The following NRG1 variants were observed in gnomAD, a reference collection of about 807,000 sequenced individuals.
NRG1 encodes the protein neuregulin 1.
Under a neutral mutation model 63.8 loss-of-function variants are expected in NRG1, and 18 were observed. That is an observed-to-expected ratio of 0.28 (90% CI 0.19 to 0.42). NRG1 has a LOEUF of 0.42. Ranked by LOEUF, NRG1 falls within the 10% of genes least tolerant of loss-of-function variation. NRG1 has a pLI of 1.00. For synonymous variants in NRG1, 302 were observed against 301.3 expected (o/e 1.00, Z -0.02); for missense variants, 762 against 814.7 (o/e 0.94, Z 0.79).
At chr8:32,614,923 T>C (rs980501605) in intron 4 of NRG1, among the ~76,000 whole-genome samples, 2 of 152,174 alleles carry the variant, frequency 1.3e-5, no homozygotes, top group Non-Finnish European at 2.9e-5. Context: ...CCTCAGAGTG[T>C]ATTCCTGGGT....
chr8:32,025,749 C>T (rs950500371), intron 1 of NRG1, among the ~76,000 whole-genome samples: 3 of 151,828 alleles, frequency 2.0e-5, no homozygotes, highest in African/African-American at 7.2e-5. Context: ...AGATCGAGAC[C>T]ATCCTGGCTA....
At chr8:32,235,152 G>C (rs1847400610) in intron 1 of NRG1, among the ~76,000 whole-genome samples, 1 of 150,016 alleles carries the variant, frequency 6.7e-6, no homozygotes, top group South Asian at 2.1e-4. Context: ...CCAGTGCTTT[G>C]GGAGGCCAAG....
At chr8:32,193,673 C>T (rs758318529) in intron 1 of NRG1, among the ~76,000 whole-genome samples, 3 of 151,930 alleles carry the variant, frequency 2.0e-5, no homozygotes, top group Non-Finnish European at 4.4e-5. Flanking sequence ...CAAAAAGATA[C>T]GTTAGAATCC....
At chr8:31,779,837 G>C (rs1191076560) in intron 1 of NRG1, among the ~76,000 whole-genome samples, 2 of 152,180 alleles carry the variant, frequency 1.3e-5, no homozygotes, top group Admixed American at 6.5e-5. Flanking sequence ...TTTGTGAATG[G>C]ATCTTTCAAC....
At position 32,453,319 on chromosome 8, in the gene NRG1, C is replaced by T. The variant is rs189630437; in HGVS notation, c.38-142509C>T. On this transcript the variant is annotated intron_variant, in intron 1 of 10. Coordinates refer to the NRG1 transcript ENST00000519301. Reference sequence around the variant, plus strand: ...AAATTAAGGTCTTATTGACAATCTACGTATCAGAGCCTCGTACACAGGAGC... The same window carrying T: ...AAATTAAGGTCTTATTGACAATCTATGTATCAGAGCCTCGTACACAGGAGC... Among the ~76,000 whole-genome samples the T allele has an allele frequency of 1.1e-4, 17 of 152,272 alleles. No homozygotes were observed. In the East Asian group the frequency reaches 3.1e-3, roughly 28 times the overall value.
intron 1 of NRG1, among the ~76,000 whole-genome samples, chr8:32,528,523 C>G (rs866361506): frequency 6.6e-6 from 1 of 152,128 alleles, no homozygotes; most frequent in Admixed American, 6.5e-5. Flanking sequence ...TATTTTTAAG[C>G]CTGAATTAGT....
At chr8:31,981,310 C>T (rs2129630845) in intron 1 of NRG1, among the ~76,000 whole-genome samples, 1 of 152,058 alleles carries the variant, frequency 6.6e-6, no homozygotes, top group South Asian at 2.1e-4. Flanking sequence ...TAGGAACTGC[C>T]TCTTGTTTTT....
At chr8:32,654,636 A>G (rs746879059) in intron 5 of NRG1, among the ~76,000 whole-genome samples, 13 of 151,104 alleles carry the variant, frequency 8.6e-5, no homozygotes, top group Non-Finnish European at 1.9e-4. Flanking sequence ...CTCAAAAAAA[A>G]AATAATTTTA....
intron 1 of NRG1, among the ~76,000 whole-genome samples, chr8:31,960,254 G>A (rs1805226628): frequency 6.6e-6 from 1 of 152,136 alleles, no homozygotes; most frequent in Admixed American, 6.5e-5. Flanking sequence ...TAATGGGGTG[G>A]CAGTGTTGTT....
At chr8:32,139,063 C>T (rs1835913286) in intron 1 of NRG1, among the ~76,000 whole-genome samples, 1 of 152,144 alleles carries the variant, frequency 6.6e-6, no homozygotes, top group Non-Finnish European at 1.5e-5. Flanking sequence ...ATATTTTGAC[C>T]TCAAGCAACC....
chr8:32,091,313 T>A (rs1829119443), intron 1 of NRG1, among the ~76,000 whole-genome samples: 1 of 151,118 alleles, frequency 6.6e-6, no homozygotes, highest in East Asian at 2.0e-4. Context: ...GATGAGGTGA[T>A]TTATGTAATT....
At chr8:32,592,478 A>G (rs1842700588) in intron 1 of NRG1, among the ~76,000 whole-genome samples, 1 of 152,122 alleles carries the variant, frequency 6.6e-6, no homozygotes, top group Non-Finnish European at 1.5e-5. Flanking sequence ...CATTGATTTT[A>G]AAGCCTACTT....
intron 1 of NRG1, among the ~76,000 whole-genome samples, chr8:31,744,589 C>T (rs1401755517): frequency 6.6e-6 from 1 of 151,900 alleles, no homozygotes; most frequent in African/African-American, 2.4e-5. Flanking sequence ...CAGAGGCTGG[C>T]TTATCATGAA....
At chr8:31,898,549 C>T (rs1265759078) in intron 1 of NRG1, among the ~76,000 whole-genome samples, 1 of 151,998 alleles carries the variant, frequency 6.6e-6, no homozygotes, top group African/African-American at 2.4e-5. Context: ...ACTAAAAATA[C>T]AAAAATTAGC....
intron 1 of NRG1, among the ~76,000 whole-genome samples, chr8:32,028,784 C>T (rs1484839876): frequency 6.6e-6 from 1 of 152,082 alleles, no homozygotes; most frequent in Non-Finnish European, 1.5e-5. Context: ...CTAGATTCTT[C>T]CTGCAGTGGA....
intron 1 of NRG1, among the ~76,000 whole-genome samples, chr8:32,134,263 A>T (rs555825474): frequency 6.6e-6 from 1 of 152,276 alleles, no homozygotes; most frequent in East Asian, 1.9e-4. Context: ...GTAATGTTTA[A>T]TTTTAAGTAT....
At chr8:31,790,530 T>C (rs750146762) in intron 1 of NRG1, among the ~76,000 whole-genome samples, 1 of 152,204 alleles carries the variant, frequency 6.6e-6, no homozygotes, top group Non-Finnish European at 1.5e-5. Context: ...TCCTCATCTG[T>C]GAAGGAGTTA....
At chr8:32,729,774 A>G (rs1433345443) in intron 6 of NRG1, among the ~76,000 whole-genome samples, 2 of 152,144 alleles carry the variant, frequency 1.3e-5, no homozygotes, top group Non-Finnish European at 2.9e-5. Flanking sequence ...AAAAAAAGCA[A>G]CGATCGAAAA....
intron 1 of NRG1, among the ~76,000 whole-genome samples, chr8:32,486,983 T>C (rs1825979917): frequency 6.6e-6 from 1 of 152,100 alleles, no homozygotes; most frequent in Non-Finnish European, 1.5e-5. Context: ...TAGATCTAGT[T>C]AATAGCAGGT....
Sources: gnomAD v4.1 joint callset for allele counts (sites outside exome capture counted in the v4.1 genomes callset) on GRCh38, gnomAD v4.1.1 for gene constraint, MANE v1.5 for transcripts, NCBI Gene and HGNC (gene_info 2026-07-23, HGNC 2026-07-21) for gene names.